Variants in CYP26C1 observed in about 807,000 individuals in gnomAD.
CYP26C1 encodes the protein cytochrome P450 family 26 subfamily C member 1, also known as cytochrome P450 26C1.
CYP26C1 carries 41 observed loss-of-function variants against 39.1 expected under a neutral mutation model. That is an observed-to-expected ratio of 1.05 (90% CI 0.82 to 1.36). The LOEUF is 1.36. Among genes scored for constraint, CYP26C1 ranks in the 40% most tolerant of loss-of-function variants. The probability of loss-of-function intolerance (pLI) is 0.00; values close to 1 mark genes in which losing one functional copy is unlikely to be tolerated. For missense variants in CYP26C1, 833 were observed against 752.0 expected, an observed-to-expected ratio of 1.11 and a Z score of -1.26; for synonymous variants, 362 against 350.8, an observed-to-expected ratio of 1.03 and a Z score of -0.36.
intron 5 of CYP26C1, among the ~76,000 whole-genome samples, chr10:93,067,738 C>T (rs1846845555): frequency 6.6e-6 from 1 of 152,190 alleles, no homozygotes; most frequent in African/African-American, 2.4e-5. Flanking sequence ...TGCCTTTCAG[C>T]ATTTTAAGGA....
chr10:93,066,175 G>C lies in CYP26C1; in HGVS notation c.1081G>C (p.Ala361Pro). 2.1e-6 allele frequency: 3 copies of C among 1,442,222 alleles called. No homozygotes were observed. Among genetic ancestry groups the C allele is most frequent in the Non-Finnish European group, 2.7e-6 (3 of 1,098,040 alleles). 89.3% of individuals were successfully genotyped at this position (1,442,222 alleles called of 1,614,324 possible). A position where few individuals can be genotyped will look rare whatever the true frequency, so the allele number is the denominator to read the frequency against. The change falls in exon 5 of 6, where the codon GCG (alanine) becomes CCG (proline). Residue 361 changes from alanine (A) to proline (P), a missense_variant. By Grantham distance (27) the Ala-to-Pro change is conservative (BLOSUM62 -1). Coordinates refer to ENST00000651965, the MANE Select transcript of CYP26C1 (RefSeq NM_183374.3). ...CGGCTGCGAGCCCGACCTCAGCCTC[G>C]CGGCGCTGGGCCGTCTGCGCTACGT... ...DCGCEPDLSL[A>P]ALGRLRYVDC...
intron 5 of CYP26C1, among the ~76,000 whole-genome samples, chr10:93,067,848 C>T (rs1846846296): frequency 6.6e-6 from 1 of 152,056 alleles, no homozygotes; most frequent in Non-Finnish European, 1.5e-5. Flanking sequence ...GTTTTCAGTT[C>T]AATGCAAAGA....
rs1489781859 is a variant in CYP26C1 at position 93,068,517 on chromosome 10, G to A, written c.1389G>A (p.Glu463=). 2 of 1,604,092 alleles carry A rather than the reference G, an allele frequency of 1.2e-6. No homozygotes were observed. Among genetic ancestry groups the A allele is most frequent in the Admixed American group, 1.7e-5 (1 of 58,938 alleles). Residue 463 remains glutamate, a synonymous_variant, in exon 6 of 6, where the codon GAG becomes GAA. Transcript: ENST00000651965. ...GTGCGCGCAGCTGCCTCGGCCAGGA[G>A]CTGGCGCAAGCCGTGCTCCAGCTGC... ...GGGARSCLGQ[E]LAQAVLQLLA...
rs1197802310 is a variant in CYP26C1, at chr10:93,062,220, C to T, written c.415C>T (p.Arg139Trp). 5 of 1,523,254 alleles carry T rather than the reference C, an allele frequency of 3.3e-6. No individual in the cohort carries two copies. The highest frequency in any genetic ancestry group is 1.4e-5 in the African/African-American group (1 of 72,820). 94.4% of individuals were successfully genotyped at this position (1,523,254 alleles called of 1,614,324 possible). The change falls in exon 2 of 6, where the codon CGG becomes TGG. Residue 139 changes from arginine to tryptophan, a missense_variant. By Grantham distance (101) the Arg-to-Trp change is moderately radical. Transcript: ENST00000651965. ...TLLGAVGEPH[R>W]RRRKVLARVF... The stretch of plus-strand genomic sequence containing the variant: ...GCTAGGTGCGGTCGGCGAGCCGCAC[C>T]GGCGGCGGCGCAAGGTGAGTGGAAA...
rs751221396 is a variant in CYP26C1, at chr10:93,068,392, C to A, written c.1264C>A (p.Arg422Ser). 1.7e-5 allele frequency: 27 copies of A among 1,605,998 alleles called. No homozygotes were observed. The East Asian group carries it at 4.0e-4, about 24-fold the overall frequency. The change falls in exon 6 of 6, where the codon CGC becomes AGC. Residue 422 changes from arginine to serine, a missense_variant. Transcript: ENST00000651965. ...RDTHETAAVY[R>S]SPPEGFDPER... ...CACGCACGAGACGGCTGCGGTGTAC[C>A]GCAGCCCTCCCGAAGGCTTCGATCC...
At chr10:93,064,842 T>G (rs1846803271) in intron 4 of CYP26C1, 2 of 1,063,642 alleles carry the variant, frequency 1.9e-6, no homozygotes, top group Non-Finnish European at 2.3e-6. Context: ...TGCCCTTCTC[T>G]GCCACTCCAT....
chr10:93,062,165 T>G lies in CYP26C1; in HGVS notation c.360T>G (p.Ser120Arg). 2 of 1,539,718 alleles carry G rather than the reference T, an allele frequency of 1.3e-6. No individual in the cohort carries two copies. The highest frequency in any genetic ancestry group is 1.7e-6 in the Non-Finnish European group (2 of 1,146,610). ...HRLVRSQWPQSAHILLGSHTL... is the reference protein window; with the variant it reads ...HRLVRSQWPQRAHILLGSHTL... Reference sequence around the variant, plus strand: ...TGGTGCGCAGCCAGTGGCCGCAGAGTGCGCACATCCTGCTGGGCTCGCACA... The same window carrying G: ...TGGTGCGCAGCCAGTGGCCGCAGAGGGCGCACATCCTGCTGGGCTCGCACA... The change falls in exon 2 of 6, where the codon AGT becomes AGG. Residue 120 changes from serine (S) to arginine (R), a missense_variant. Physicochemically the swap from Ser to Arg is moderately radical, Grantham distance 110. Coordinates refer to ENST00000651965, the MANE Select transcript of CYP26C1 (RefSeq NM_183374.3).
chr10:93,068,298 T>G, intron 5 of CYP26C1, 22 bp from the exon 6 acceptor site: 1 of 1,491,382 alleles, frequency 6.7e-7, no homozygotes, highest in Non-Finnish European at 8.9e-7. Flanking sequence ...GTGGTCAGGC[T>G]GATCTCCTCG....
chr10:93,065,753 C>G (rs960904453), intron 4 of CYP26C1, among the ~76,000 whole-genome samples: 3 of 152,252 alleles, frequency 2.0e-5, no homozygotes, highest in Non-Finnish European at 4.4e-5. Context: ...CCTGTTGCTA[C>G]AGCTGACTTT....
intron 5 of CYP26C1, among the ~76,000 whole-genome samples, chr10:93,067,439 C>A (rs542385177): frequency 2.6e-5 from 4 of 152,318 alleles, no homozygotes; most frequent in African/African-American, 9.6e-5. Context: ...CTTCATTCTG[C>A]AGGCGCTGGA....
chr10:93,063,087 C>T, intron 3 of CYP26C1, 92 bp downstream of exon 3: 1 of 1,474,644 alleles, frequency 6.8e-7, no homozygotes, highest in Non-Finnish European at 8.9e-7. Flanking sequence ...GCGCACCCCG[C>T]GCGTCCGTCA....
chr10:93,062,750 C>A lies in CYP26C1; in HGVS notation c.460C>A (p.Leu154Met). Residue 154 changes from leucine to methionine, a missense_variant, in exon 3 of 6, where the codon CTG becomes ATG. Physicochemically the swap from Leu to Met is conservative, Grantham distance 15. Coordinates refer to ENST00000651965, the MANE Select transcript of CYP26C1 (RefSeq NM_183374.3). ...GGCGCGCGTGTTCAGCCGCGCCGCG[C>A]TGGAGCGCTACGTGCCGCGCCTGCA... ...VLARVFSRAA[L>M]ERYVPRLQGA... 2.7e-6 allele frequency: 4 copies of A among 1,474,916 alleles called. No individual in the cohort carries two copies. Among genetic ancestry groups the A allele is most frequent in the Non-Finnish European group, 3.6e-6 (4 of 1,122,850 alleles). 91.4% of individuals were successfully genotyped at this position (1,474,916 alleles called of 1,614,324 possible). A position where few individuals can be genotyped will look rare whatever the true frequency, so the allele number is the denominator to read the frequency against.
intron 2 of CYP26C1, 23 bp downstream of exon 2, chr10:93,062,257 CG>C (rs1242825040): frequency 4.0e-6 from 6 of 1,501,338 alleles, no homozygotes; most frequent in South Asian, 2.5e-5. Context: ...GGGAATGGAC[CG>C]TAGATACGTC....
chr10:93,068,971 T>A lies in CYP26C1; in HGVS notation c.*274T>A. On this transcript the variant is annotated 3_prime_UTR_variant, in exon 6 of 6. Coordinates refer to ENST00000651965, the MANE Select transcript of CYP26C1 (RefSeq NM_183374.3). The stretch of plus-strand genomic sequence containing the variant: ...GAAAATGTCGTGGGCCAAGCAGGAA[T>A]GGAGGGAATAGATAGATCCCCACGA... The A allele has an allele frequency of 2.2e-6, 1 of 459,486 alleles. No homozygotes were observed. 28.5% of individuals were successfully genotyped at this position (459,486 alleles called of 1,614,324 possible).
rs1846825122 is a variant in CYP26C1, at chr10:93,066,190, CT to C, written c.1097del (p.Leu366ArgfsTer42). On this transcript the variant is annotated frameshift_variant, in exon 5 of 6. Coordinates refer to ENST00000651965, the MANE Select transcript of CYP26C1 (RefSeq NM_183374.3). LOFTEE classifies it high-confidence loss of function. The part of the protein sequence containing the change: ...PDLSLAALGR[L>X]RYVDCVVKEV... The stretch of plus-strand genomic sequence containing the variant: ...CCTCAGCCTCGCGGCGCTGGGCCGT[CT>C]GCGCTACGTCGACTGCGTGGTCAAG... 1 of 1,466,946 alleles carries C rather than the reference CT, an allele frequency of 6.8e-7. No homozygotes were observed. Among genetic ancestry groups the C allele is most frequent in the Non-Finnish European group, 9.0e-7 (1 of 1,111,072 alleles). The allele number at this position is 1,466,946 out of a possible 1,614,324, so 90.9% of individuals were successfully genotyped here. A position where few individuals can be genotyped will look rare whatever the true frequency, so the allele number is the denominator to read the frequency against.
At chr10:93,066,400 G>A (rs1434774538) in intron 5 of CYP26C1, 115 bp downstream of exon 5, 1 of 1,056,514 alleles carries the variant, frequency 9.5e-7, no homozygotes, top group Non-Finnish European at 1.2e-6. Context: ...GGATTCGGAC[G>A]GCGCGGTCAC....
chr10:93,061,302 G>T lies in CYP26C1; in HGVS notation c.39G>T (p.Gly13=), dbSNP rs375325719. ...PWGLSCLSVL[G]AAGTALLCAG... ...GGCTGAGCTGCCTGTCAGTGCTGGG[G>T]GCGGCGGGCACTGCTCTCCTGTGCG... Residue 13 remains glycine, a synonymous_variant, in exon 1 of 6, where the codon GGG becomes GGT. Coordinates refer to ENST00000651965, the MANE Select transcript of CYP26C1 (RefSeq NM_183374.3). The T allele has an allele frequency of 2.9e-5, 46 of 1,595,746 alleles. No individual in the cohort carries two copies. Among genetic ancestry groups the T allele is most frequent in the Non-Finnish European group, 3.3e-5 (39 of 1,172,492 alleles).
Position 93,060,964 on chromosome 10 carries a change from C to A in CYP26C1, c.-300C>A, listed in dbSNP as rs1227340351. The A allele has an allele frequency of 4.7e-6, 2 of 426,194 alleles. No homozygotes were observed. Among genetic ancestry groups the A allele is most frequent in the Non-Finnish European group, 8.3e-6 (2 of 241,040 alleles). 26.4% of individuals were successfully genotyped at this position (426,194 alleles called of 1,614,324 possible). A position where few individuals can be genotyped will look rare whatever the true frequency, so the allele number is the denominator to read the frequency against. ...CCGCGGAGCCGGGAGTGAGCGTTCC[C>A]GAGGCAGCAGGCACCTTCGAGAGGG... On this transcript the variant is annotated 5_prime_UTR_variant, in exon 1 of 6. Coordinates refer to ENST00000651965, the MANE Select transcript of CYP26C1 (RefSeq NM_183374.3).
Position 93,068,423 on chromosome 10 carries a change from G to A in CYP26C1, c.1295G>A (p.Arg432His), listed in dbSNP as rs779348326. 4.3e-6 allele frequency: 7 copies of A among 1,612,078 alleles called. No individual in the cohort carries two copies. The highest frequency in any genetic ancestry group is 3.3e-5 in the South Asian group (3 of 90,940). Residue 432 changes from arginine to histidine, a missense_variant, in exon 6 of 6, where the codon CGC becomes CAC. By Grantham distance (29) the Arg-to-His change is conservative. Transcript: ENST00000651965. ...RSPPEGFDPE[R>H]FGAAREDSRG... Reference sequence around the variant, plus strand: ...CCTCCCGAAGGCTTCGATCCAGAGCGCTTCGGCGCAGCGCGCGAAGATTCC... The same window carrying A: ...CCTCCCGAAGGCTTCGATCCAGAGCACTTCGGCGCAGCGCGCGAAGATTCC...
Sources: gnomAD v4.1 joint callset for allele counts (sites outside exome capture counted in the v4.1 genomes callset) on GRCh38, gnomAD v4.1.1 for gene constraint, MANE v1.5 for transcripts, NCBI Gene and HGNC (gene_info 2026-07-23, HGNC 2026-07-21) for gene names.